The following ZNF423 variants were observed in gnomAD, a reference collection of about 807,000 sequenced individuals.
ZNF423 encodes the protein Ebf-associated zinc finger protein.
In ZNF423, 12 loss-of-function variants were observed where a neutral mutation model predicts 95.8. The ratio of observed to expected loss-of-function variants is 0.13; its 90% confidence interval spans 0.08 to 0.20. The LOEUF (loss-of-function observed/expected upper bound fraction) is 0.20, where lower values mean the gene tolerates loss of function less well. Ranked by LOEUF, ZNF423 falls within the 10% of genes least tolerant of loss-of-function variation. ZNF423 has a pLI of 1.00. For synonymous variants in ZNF423, 749 were observed against 711.9 expected (o/e 1.05, Z -0.83); for missense variants, 1,316 against 1,737.1 (o/e 0.76, Z 4.31).
At chr16:49,688,524 G>A (rs1411915471) in intron 3 of ZNF423, among the ~76,000 whole-genome samples, 8 of 152,206 alleles carry the variant, frequency 5.3e-5, no homozygotes, top group Non-Finnish European at 7.3e-5. Flanking sequence ...CGGCTCCCCC[G>A]GAGGCTGAAT....
At chr16:49,834,839 C>A (rs1470304237) in intron 1 of ZNF423, among the ~76,000 whole-genome samples, 2 of 152,034 alleles carry the variant, frequency 1.3e-5, no homozygotes, top group Admixed American at 6.5e-5. Context: ...GCTCCCCTCC[C>A]CCAGCAACAG....
intron 5 of ZNF423, among the ~76,000 whole-genome samples, chr16:49,553,072 T>TA (rs992578261): frequency 6.6e-6 from 1 of 151,804 alleles, no homozygotes; most frequent in Non-Finnish European, 1.5e-5. Flanking sequence ...AATATTAATT[T>TA]AAAAAAAATA....
intron 5 of ZNF423, among the ~76,000 whole-genome samples, chr16:49,542,835 G>A (rs766552468): frequency 2.0e-5 from 3 of 152,182 alleles, no homozygotes; most frequent in Admixed American, 6.5e-5. Context: ...CCAGGTCAGC[G>A]GAAACTTGGC....
rs55662710 is a variant in ZNF423, at chr16:49,642,801, CTT to C, written c.302-3929_302-3928del. Among the ~76,000 whole-genome samples the C allele has an allele frequency of 4.3e-3, 390 of 91,498 alleles. 1 individual carries two copies. Among genetic ancestry groups the C allele is most frequent in the African/African-American group, 0.014 (319 of 23,624 alleles). 60.0% of individuals were successfully genotyped at this position (91,498 alleles called of 152,430 possible). A position where few individuals can be genotyped will look rare whatever the true frequency, so the allele number is the denominator to read the frequency against. ...TCAGCAGAGAAAGCGGTTCTCTTTTCTTTTTTTTTTTTTTTTTTTTTTTGGCA... is the reference window on the plus strand; with the variant it reads ...TCAGCAGAGAAAGCGGTTCTCTTTTCTTTTTTTTTTTTTTTTTTTTTGGCA... On this transcript the variant is annotated intron_variant, in intron 3 of 7. Coordinates refer to ENST00000563137, the MANE Select transcript of ZNF423 (RefSeq NM_001379286.1).
chr16:49,729,103 G>A (rs1164136823), intron 3 of ZNF423, among the ~76,000 whole-genome samples: 1 of 152,146 alleles, frequency 6.6e-6, no homozygotes, highest in Non-Finnish European at 1.5e-5. Flanking sequence ...CTGGAGGAAG[G>A]GGCAGCCTCT....
chr16:49,755,509 C>T (rs1367741953), intron 2 of ZNF423, among the ~76,000 whole-genome samples: 1 of 152,188 alleles, frequency 6.6e-6, no homozygotes, highest in Non-Finnish European at 1.5e-5. Flanking sequence ...TAATGACCCT[C>T]TTTCGCTAAT....
chr16:49,854,060 TC>T, intron 1 of ZNF423: 1 of 985,296 alleles, frequency 1.0e-6, no homozygotes, highest in South Asian at 4.7e-5. Flanking sequence ...GTACAGCCCT[TC>T]CATCAGCAAA....
chr16:49,664,340 G>C, intron 3 of ZNF423: 1 of 964,656 alleles, frequency 1.0e-6, no homozygotes. Context: ...TAGCGGGAGA[G>C]GAAGGGCCTT....
At chr16:49,828,508 G>C (rs1236471759) in intron 1 of ZNF423, among the ~76,000 whole-genome samples, 3 of 152,084 alleles carry the variant, frequency 2.0e-5, no homozygotes, top group Non-Finnish European at 2.9e-5. Context: ...AAAAGAAAAG[G>C]CAACATAACA....
At position 49,492,278 on chromosome 16, in the gene ZNF423, AGGGTGGCCCTGTTTG is replaced by A. The variant is rs527284057; in HGVS notation, c.3850-989_3850-975del. 0.023 allele frequency among the ~76,000 whole-genome samples: 3,444 copies of A among 152,298 alleles called. 66 individuals carry two copies. The highest frequency in any genetic ancestry group is 0.036 in the Non-Finnish European group (2,433 of 68,028). ...AAAGGAGGCAACATCCACCAGGTGT[AGGGTGGCCCTGTTTG>A]GGGCCGCACAGGACCCTAGATCCCC... On this transcript the variant is annotated intron_variant, in intron 7 of 7. Transcript: ENST00000563137. The surrounding 1 kb of genome is among the most constrained non-coding windows in gnomAD (Gnocchi z 4.2).
At chr16:49,809,308 C>A (rs1243907521) in intron 1 of ZNF423, among the ~76,000 whole-genome samples, 1 of 152,238 alleles carries the variant, frequency 6.6e-6, no homozygotes, top group South Asian at 2.1e-4. Context: ...CTGGCAGGGG[C>A]CGGCCCGGCC....
chr16:49,562,698 T>C (rs1460715902), intron 5 of ZNF423, among the ~76,000 whole-genome samples: 1 of 152,234 alleles, frequency 6.6e-6, no homozygotes, highest in Non-Finnish European at 1.5e-5. Flanking sequence ...GGTTCTAGGA[T>C]TCTTGTCAAA....
chr16:49,775,533 A>G (rs1438149497), intron 2 of ZNF423, among the ~76,000 whole-genome samples: 2 of 152,192 alleles, frequency 1.3e-5, no homozygotes, highest in African/African-American at 4.8e-5. Context: ...GACACATGTC[A>G]TGTACCCTCT....
chr16:49,808,936 GA>G (rs1313679876), intron 1 of ZNF423, among the ~76,000 whole-genome samples: 2 of 152,152 alleles, frequency 1.3e-5, no homozygotes, highest in Non-Finnish European at 2.9e-5. Context: ...CACGGCCTCA[GA>G]AAGGTTCAGC....
chr16:49,798,808 A>T lies in ZNF423; in HGVS notation c.41-9262T>A, dbSNP rs192079271. Among the ~76,000 whole-genome samples the T allele has an allele frequency of 3.3e-4, 51 of 152,260 alleles. No individual in the cohort carries two copies. In the East Asian group the frequency reaches 9.3e-3, roughly 28 times the overall value. On this transcript the variant is annotated intron_variant, in intron 1 of 7. Coordinates refer to ENST00000563137, the MANE Select transcript of ZNF423 (RefSeq NM_001379286.1). ...GCCACGCTACTACAGACTCCTCATA[A>T]ACTGTTGCCCTGGAGAATTGTAGGC...
chr16:49,562,503 C>T (rs1026970864), intron 5 of ZNF423, among the ~76,000 whole-genome samples: 1 of 152,066 alleles, frequency 6.6e-6, no homozygotes, highest in Non-Finnish European at 1.5e-5. Flanking sequence ...ACTGAAGAAG[C>T]CAGGAAAGTA....
intron 7 of ZNF423, among the ~76,000 whole-genome samples, chr16:49,505,610 C>T (rs780391835): frequency 7.2e-5 from 11 of 152,214 alleles, no homozygotes; most frequent in Middle Eastern, 6.8e-3. Flanking sequence ...ATTGTGTGCA[C>T]GCACCAGTGA....
At chr16:49,741,714 G>C (rs1298562668) in intron 2 of ZNF423, among the ~76,000 whole-genome samples, 2 of 152,238 alleles carry the variant, frequency 1.3e-5, no homozygotes, top group Non-Finnish European at 1.5e-5. Context: ...CTAGAGCACA[G>C]GGTCATCTGC....
chr16:49,677,324 AGGGGAGGG>A (rs2031140689), intron 3 of ZNF423, among the ~76,000 whole-genome samples: 4 of 39,154 alleles, frequency 1.0e-4, no homozygotes, highest in African/African-American at 2.3e-4. Flanking sequence ...AGGGGAAGGG[AGGGGAGGG>A]GAGGGGAGGG....
Sources: gnomAD v4.1 joint callset for allele counts (sites outside exome capture counted in the v4.1 genomes callset) on GRCh38, gnomAD v4.1.1 for gene constraint, Gnocchi (gnomAD v3.1) non-coding constraint, MANE v1.5 for transcripts, NCBI Gene and HGNC (gene_info 2026-07-23, HGNC 2026-07-21) for gene names.